Variants in MEMO1 observed in about 807,000 individuals in gnomAD.
MEMO1 encodes the protein protein MEMO1.
A neutral mutation model predicts 45.2 loss-of-function variants in MEMO1; 6 were observed. That is an observed-to-expected ratio of 0.13 (90% CI 0.07 to 0.26). MEMO1 has a LOEUF of 0.26. Among genes scored for constraint, MEMO1 ranks in the 10% least tolerant of loss-of-function variants. MEMO1 has a pLI of 1.00. For synonymous variants in MEMO1, 78 were observed against 124.3 expected, an observed-to-expected ratio of 0.63 and a Z score of 2.48; for missense variants, 184 against 370.5, an observed-to-expected ratio of 0.50 and a Z score of 4.13.
intron 2 of MEMO1, among the ~76,000 whole-genome samples, chr2:31,965,647 G>T (rs1206184934): frequency 6.6e-6 from 1 of 152,124 alleles, no homozygotes; most frequent in East Asian, 1.9e-4. Context: ...AGGATAAAAA[G>T]GAATGAGATC....
At chr2:31,902,354 T>TGCG (rs1451044463) in intron 6 of MEMO1, among the ~76,000 whole-genome samples, 1 of 151,268 alleles carries the variant, frequency 6.6e-6, no homozygotes, top group African/African-American at 2.4e-5. Flanking sequence ...GCCGAGATCA[T>TGCG]GCCACTGCAC....
At chr2:31,996,492 T>G (rs1672635170) in intron 2 of MEMO1, among the ~76,000 whole-genome samples, 1 of 151,838 alleles carries the variant, frequency 6.6e-6, no homozygotes, top group Admixed American at 6.6e-5. Flanking sequence ...TGTAGTGAGC[T>G]GAGATCGTGC....
At chr2:32,006,985 A>AAAG (rs1284530651) in intron 2 of MEMO1, among the ~76,000 whole-genome samples, 1 of 151,290 alleles carries the variant, frequency 6.6e-6, no homozygotes, top group Admixed American at 6.6e-5. Flanking sequence ...AAAAAAAAAA[A>AAAG]AAGAAGTGAG....
At chr2:31,901,901 T>G (rs926632927) in intron 6 of MEMO1, among the ~76,000 whole-genome samples, 3 of 151,212 alleles carry the variant, frequency 2.0e-5, no homozygotes, top group African/African-American at 7.3e-5. Flanking sequence ...AGAGCAAGAC[T>G]TCATCTCAAA....
intron 6 of MEMO1, among the ~76,000 whole-genome samples, chr2:31,909,317 T>C (rs576795531): frequency 6.6e-6 from 1 of 152,158 alleles, no homozygotes; most frequent in African/African-American, 2.4e-5. Context: ...AAAAGTCAAA[T>C]TATCCTTGTT....
At chr2:32,007,559 G>GA (rs2148624756) in intron 2 of MEMO1, among the ~76,000 whole-genome samples, 1 of 152,150 alleles carries the variant, frequency 6.6e-6, no homozygotes, top group Non-Finnish European at 1.5e-5. Context: ...CTTTTTTTCT[G>GA]AAATAGCTAT....
intron 2 of MEMO1, among the ~76,000 whole-genome samples, chr2:31,957,002 T>C (rs1201989242): frequency 1.3e-5 from 2 of 151,892 alleles, no homozygotes; most frequent in East Asian, 3.9e-4. Flanking sequence ...ATTAACTGGG[T>C]GTGGTAGCAT....
intron 2 of MEMO1, among the ~76,000 whole-genome samples, chr2:31,952,246 T>C (rs1002226954): frequency 6.6e-6 from 1 of 152,208 alleles, no homozygotes; most frequent in Non-Finnish European, 1.5e-5. Flanking sequence ...TCTACTAATT[T>C]ATGTAAATAT....
At chr2:31,926,539 C>G (rs1010394069) in intron 4 of MEMO1, among the ~76,000 whole-genome samples, 1 of 152,010 alleles carries the variant, frequency 6.6e-6, no homozygotes, top group Non-Finnish European at 1.5e-5. Context: ...TGATAAAATA[C>G]ATGGTGACAT....
intron 2 of MEMO1, among the ~76,000 whole-genome samples, chr2:31,976,989 G>A (rs1214621480): frequency 4.6e-5 from 7 of 152,030 alleles, no homozygotes; most frequent in Non-Finnish European, 1.0e-4. Context: ...GACCTATCTA[G>A]TTGGGTAAAC....
chr2:31,944,567 T>C (rs1442139458), intron 2 of MEMO1, among the ~76,000 whole-genome samples: 1 of 152,228 alleles, frequency 6.6e-6, no homozygotes, highest in African/African-American at 2.4e-5. Context: ...ATTGTCCTTG[T>C]TCCTATCAAG....
chr2:32,003,566 G>A (rs1225834920), intron 2 of MEMO1, among the ~76,000 whole-genome samples: 1 of 152,104 alleles, frequency 6.6e-6, no homozygotes, highest in Non-Finnish European at 1.5e-5. Flanking sequence ...GTAATGTCCT[G>A]CTACTTCACA....
chr2:31,898,267 T>C (rs1399636875), intron 6 of MEMO1, among the ~76,000 whole-genome samples: 1 of 152,086 alleles, frequency 6.6e-6, no homozygotes. Flanking sequence ...GCTTTTGAAT[T>C]TGTTTCCTCT....
intron 6 of MEMO1, among the ~76,000 whole-genome samples, chr2:31,916,230 GGTTT>G (rs551843679): frequency 8.6e-4 from 130 of 151,524 alleles, no homozygotes; most frequent in African/African-American, 1.2e-3. Flanking sequence ...TTGTTTTTTG[GGTTT>G]GTTTGTTTGT....
In MEMO1 at chr2:31,979,920, T is replaced by G. The variant is rs145596370; in HGVS notation, c.61+30267A>C. Among the ~76,000 whole-genome samples the G allele has an allele frequency of 3.7e-3, 564 of 151,588 alleles. 5 individuals carry two copies. The highest frequency in any genetic ancestry group is 0.013 in the African/African-American group (554 of 41,354). On this transcript the variant is annotated intron_variant, in intron 2 of 9. Coordinates refer to ENST00000404530, the MANE Select transcript of MEMO1 (RefSeq NM_001301833.4). ...ATTAGTAAATAATTATTGACTGATA[T>G]GTAGAAACTAGCCATTTATTAATAT...
chr2:31,950,869 AT>A (rs1400520088), intron 2 of MEMO1, among the ~76,000 whole-genome samples: 1 of 152,238 alleles, frequency 6.6e-6, no homozygotes. Flanking sequence ...TTTCCTCAAC[AT>A]TCACAATCTG....
intron 2 of MEMO1, among the ~76,000 whole-genome samples, chr2:32,006,667 C>T (rs867739754): frequency 7.9e-5 from 12 of 151,532 alleles, no homozygotes; most frequent in Middle Eastern, 6.9e-3. Flanking sequence ...GCTGCACACA[C>T]ATAAAGAAGT....
rs75261177 is a variant in MEMO1 at position 31,882,485 on chromosome 2, A to G, written c.657+901T>C. On this transcript the variant is annotated intron_variant, in intron 8 of 9. Transcript: ENST00000404530. ...ATGTTTAAAATATTAATTCCACTGAATTTTAGATTTTGAGAGCTTCTAAAA... is the reference window on the plus strand; with the variant it reads ...ATGTTTAAAATATTAATTCCACTGAGTTTTAGATTTTGAGAGCTTCTAAAA... 5.5e-3 allele frequency among the ~76,000 whole-genome samples: 835 copies of G among 152,278 alleles called. 7 individuals carry two copies. The highest frequency in any genetic ancestry group is 0.019 in the African/African-American group (803 of 41,554).
intron 3 of MEMO1, among the ~76,000 whole-genome samples, chr2:31,940,042 T>TCC (rs149981298): frequency 6.6e-6 from 1 of 152,114 alleles, no homozygotes; most frequent in African/African-American, 2.4e-5. Flanking sequence ...GATCACTTTT[T>TCC]CCCCCGACAC....
Sources: allele counts gnomAD v4.1 joint callset (sites outside exome capture counted in the v4.1 genomes callset), GRCh38; gene constraint gnomAD v4.1.1; transcripts MANE v1.5; gene names NCBI Gene and HGNC (gene_info 2026-07-23, HGNC 2026-07-21).